The following ENOX2 variants were observed in gnomAD, a reference collection of about 807,000 sequenced individuals.
ENOX2 encodes ecto-NOX disulfide-thiol exchanger 2, also known as APK1 antigen.
In ENOX2, 36 loss-of-function variants were observed where a neutral mutation model predicts 45.0. The ratio of observed to expected loss-of-function variants is 0.80; its 90% confidence interval spans 0.61 to 1.06. ENOX2 has a LOEUF of 1.06. Ranked by LOEUF, ENOX2 falls within the 50% of genes least tolerant of loss-of-function variation. ENOX2 has a pLI of 0.00. For synonymous variants in ENOX2, 174 were observed against 152.3 expected (o/e 1.14, Z -1.05); for missense variants, 423 against 462.5 (o/e 0.91, Z 0.78).
intron 2 of ENOX2, among the ~76,000 whole-genome samples, chrX:130,803,588 G>A (rs2077255118): frequency 1.8e-5 from 2 of 112,165 alleles, no homozygotes; most frequent in Non-Finnish European, 3.8e-5. Flanking sequence ...GCAAGAAAAT[G>A]AATTAAATGG....
chrX:130,901,334 C>T (rs900164032), intron 2 of ENOX2, among the ~76,000 whole-genome samples: 3 of 112,317 alleles, frequency 2.7e-5, no homozygotes, highest in Non-Finnish European at 3.8e-5. Context: ...ATCTATGTGA[C>T]TTTAAGTAGA....
intron 13 of ENOX2, among the ~76,000 whole-genome samples, chrX:130,630,295 T>A (rs2035661985): frequency 9.0e-6 from 1 of 111,076 alleles, no homozygotes. Flanking sequence ...GGCGCACAGC[T>A]CCTAAAACCT....
chrX:130,630,222 G>A (rs1603288381), intron 13 of ENOX2, among the ~76,000 whole-genome samples: 1 of 111,001 alleles, frequency 9.0e-6, no homozygotes, highest in African/African-American at 3.3e-5. Context: ...CCAGTTTCCT[G>A]AGTCATCTGT....
intron 4 of ENOX2, among the ~76,000 whole-genome samples, chrX:130,701,772 T>C (rs911417580): frequency 2.7e-5 from 3 of 112,052 alleles, no homozygotes; most frequent in African/African-American, 9.7e-5. Context: ...AGATTGGCCC[T>C]ACCAGTCATT....
intron 3 of ENOX2, among the ~76,000 whole-genome samples, chrX:130,723,591 T>C (rs1286314263): frequency 8.9e-6 from 1 of 112,537 alleles, no homozygotes; most frequent in Admixed American, 9.4e-5. Context: ...TGATCTGTTC[T>C]GCATCATTCT....
chrX:130,757,529 T>C (rs765561580), intron 3 of ENOX2, among the ~76,000 whole-genome samples: 5 of 111,666 alleles, frequency 4.5e-5, no homozygotes, highest in Non-Finnish European at 9.4e-5. Context: ...GAAGAGGTCA[T>C]CAATTCAAAA....
At chrX:130,755,106 G>GC (rs1370477777) in intron 3 of ENOX2, among the ~76,000 whole-genome samples, 1 of 109,865 alleles carries the variant, frequency 9.1e-6, no homozygotes, top group Non-Finnish European at 1.9e-5. Context: ...AATTACATCA[G>GC]CACAATCACT....
At chrX:130,757,246 C>T (rs570185932) in intron 3 of ENOX2, among the ~76,000 whole-genome samples, 66 of 111,832 alleles carry the variant, frequency 5.9e-4, no homozygotes, top group African/African-American at 2.1e-3. Context: ...CATGCTCGTT[C>T]CCTTACAAAT....
At chrX:130,821,556 G>T (rs1354313601) in intron 2 of ENOX2, among the ~76,000 whole-genome samples, 1 of 54,356 alleles carries the variant, frequency 1.8e-5, no homozygotes, top group Admixed American at 2.5e-4. Flanking sequence ...TCGGGGGAGG[G>T]GGGAGGGATA....
intron 3 of ENOX2, among the ~76,000 whole-genome samples, chrX:130,706,361 G>A (rs149588824): frequency 1.3e-4 from 14 of 111,978 alleles, no homozygotes; most frequent in African/African-American, 4.5e-4. Context: ...TTCTGGTTGT[G>A]GGGTGGAGGA....
intron 3 of ENOX2, among the ~76,000 whole-genome samples, chrX:130,735,933 C>A (rs1037862415): frequency 6.3e-5 from 7 of 111,869 alleles, no homozygotes; most frequent in African/African-American, 2.3e-4. Flanking sequence ...GGCAAAAAAG[C>A]CAGAAAATGT....
intron 2 of ENOX2, among the ~76,000 whole-genome samples, chrX:130,799,002 T>C (rs2077176210): frequency 1.8e-5 from 2 of 112,262 alleles, no homozygotes; most frequent in Non-Finnish European, 3.8e-5. Context: ...ATGGTTAATA[T>C]TGAGTGTCAA....
chrX:130,765,248 C>A (rs1427494812), intron 3 of ENOX2, among the ~76,000 whole-genome samples: 1 of 110,413 alleles, frequency 9.1e-6, no homozygotes, highest in African/African-American at 3.3e-5. Flanking sequence ...AACCTACAAC[C>A]CAAAATAAAA....
intron 4 of ENOX2, among the ~76,000 whole-genome samples, chrX:130,701,117 T>C (rs762354539): frequency 1.1e-4 from 12 of 111,877 alleles, no homozygotes; most frequent in Non-Finnish European, 2.1e-4. Flanking sequence ...TTTGTGAGCA[T>C]AGATTTATGC....
chrX:130,880,680 G>A (rs1419824786), intron 2 of ENOX2, among the ~76,000 whole-genome samples: 1 of 111,862 alleles, frequency 8.9e-6, no homozygotes, highest in African/African-American at 3.3e-5. Context: ...GAGCTAAAAT[G>A]TATAAAAGTG....
At chrX:130,671,468 G>A (rs1310546256) in intron 6 of ENOX2, among the ~76,000 whole-genome samples, 1 of 111,447 alleles carries the variant, frequency 9.0e-6, no homozygotes, top group African/African-American at 3.3e-5. Flanking sequence ...CCAAGTTAAG[G>A]AGACTGAACT....
At chrX:130,746,598 T>A (rs2039102330) in intron 3 of ENOX2, among the ~76,000 whole-genome samples, 1 of 111,388 alleles carries the variant, frequency 9.0e-6, no homozygotes, top group Non-Finnish European at 1.9e-5. Context: ...GTACCTAGGG[T>A]CCCCATTTTC....
chrX:130,790,014 C>A (rs1482921982), intron 2 of ENOX2, among the ~76,000 whole-genome samples: 1 of 112,965 alleles, frequency 8.9e-6, no homozygotes, highest in Admixed American at 9.3e-5. Flanking sequence ...GGCTTAGCAG[C>A]CAAGACAATT....
intron 2 of ENOX2, among the ~76,000 whole-genome samples, chrX:130,861,779 T>C (rs1443083591): frequency 9.0e-6 from 1 of 111,155 alleles, no homozygotes; most frequent in African/African-American, 3.3e-5. Flanking sequence ...GATCTTATGT[T>C]AAGTGTTCTT....
Sources: gnomAD v4.1 joint callset for allele counts (sites outside exome capture counted in the v4.1 genomes callset) on GRCh38, gnomAD v4.1.1 for gene constraint, MANE v1.5 for transcripts, NCBI Gene and HGNC (gene_info 2026-07-23, HGNC 2026-07-21) for gene names.